ELAPOR1: variants seen among roughly 807,000 people sequenced by gnomAD.
ELAPOR1 encodes endosome/lysosome-associated apoptosis and autophagy regulator 1.
In ELAPOR1, 77 loss-of-function variants were observed where a neutral mutation model predicts 119.7. The observed-to-expected ratio is 0.64, with a 90% CI of 0.54 to 0.78. The LOEUF (loss-of-function observed/expected upper bound fraction) is 0.78. Ranked by LOEUF, ELAPOR1 falls within the 30% of genes least tolerant of loss-of-function variation. The pLI, the probability that ELAPOR1 is intolerant of heterozygous loss-of-function variation, is 0.00. For missense variants in ELAPOR1, 1,115 were observed against 1,270.4 expected, an observed-to-expected ratio of 0.88 and a Z score of 1.86; for synonymous variants, 481 against 487.2, an observed-to-expected ratio of 0.99 and a Z score of 0.17.
At chr1:109,122,082 T>G (rs1648461820) in intron 1 of ELAPOR1, among the ~76,000 whole-genome samples, 1 of 151,384 alleles carries the variant, frequency 6.6e-6, no homozygotes, top group Non-Finnish European at 1.5e-5. Flanking sequence ...CTTTTTTTTT[T>G]TTTTTGAGAC....
intron 7 of ELAPOR1, 39 bp from the exon 8 acceptor site, chr1:109,185,006 A>G (rs751523235): frequency 1.3e-6 from 2 of 1,531,156 alleles, no homozygotes; most frequent in South Asian, 2.2e-5. Context: ...CAGCTTTCTT[A>G]TGTAACTCCA....
chr1:109,199,782 A>G, intron 18 of ELAPOR1, 72 bp from the exon 19 acceptor site: 1 of 1,571,044 alleles, frequency 6.4e-7, no homozygotes, highest in South Asian at 1.1e-5. Flanking sequence ...GCTATGAGAC[A>G]ACAGGCTTCC....
rs185208413 is a variant in ELAPOR1 at position 109,120,676 on chromosome 1, C to A, written c.153+6340C>A. On this transcript the variant is annotated intron_variant, in intron 1 of 21. Transcript: ENST00000369939. ...CCAGACATACCAAGTTAGGGCTTAA[C>A]TGTGGGGACACTCTCTCTTCACAAG... 1.9e-3 allele frequency among the ~76,000 whole-genome samples: 294 copies of A among 152,152 alleles called. 2 individuals are homozygous for A. The highest frequency in any genetic ancestry group is 6.8e-3 in the African/African-American group (281 of 41,528).
chr1:109,192,758 A>G lies in ELAPOR1; in HGVS notation c.1831A>G (p.Ile611Val). The change falls in exon 14 of 22, where the codon ATT becomes GTT. Residue 611 changes from isoleucine (I) to valine (V), a missense_variant. Physicochemically the swap from Ile to Val is conservative, Grantham distance 29. Coordinates refer to ENST00000369939, the MANE Select transcript of ELAPOR1 (RefSeq NM_020775.5). ...SCTSCPAGYY[I>V]DRDSGTCHSC... ...CACCTCTTGTCCTGCTGGTTACTAT[A>G]TTGACCGAGATTCAGGAACCTGCCA... 6.2e-7 allele frequency: 1 copy of G among 1,613,808 alleles called. No homozygotes were observed. The highest frequency in any genetic ancestry group is 1.3e-5 in the African/African-American group (1 of 74,940).
Position 109,172,022 on chromosome 1 carries a change from C to T in ELAPOR1, c.615+9C>T. On this transcript the variant is annotated intron_variant, in intron 4 of 21. Transcript: ENST00000369939. Reference sequence around the variant, plus strand: ...TCATCTTTGAGTTTTTCGTAAGCCCCTGGCCAAGGTGGAGGGTGGGAGCTA... The same window carrying T: ...TCATCTTTGAGTTTTTCGTAAGCCCTTGGCCAAGGTGGAGGGTGGGAGCTA... 6.2e-7 allele frequency: 1 copy of T among 1,614,164 alleles called. No homozygotes were observed. The highest frequency in any genetic ancestry group is 2.2e-5 in the East Asian group (1 of 44,884).
At chr1:109,165,436 T>C (rs557650609) in intron 3 of ELAPOR1, among the ~76,000 whole-genome samples, 1 of 151,858 alleles carries the variant, frequency 6.6e-6, no homozygotes, top group African/African-American at 2.4e-5. Context: ...ATACAAAAAA[T>C]TAGCCAGGCC....
rs368865853 is a variant in ELAPOR1 at position 109,153,805 on chromosome 1, G to A, written c.154-8089G>A. ...GCCAGGCTAATTTTTGTATTTTTTA[G>A]TAGAGACGGGGTTTCACCATGTTGG... On this transcript the variant is annotated intron_variant, in intron 1 of 21. Coordinates refer to ENST00000369939, the MANE Select transcript of ELAPOR1 (RefSeq NM_020775.5). Among the ~76,000 whole-genome samples the A allele has an allele frequency of 2.0e-5, 3 of 152,058 alleles. No individual in the cohort carries two copies. In the East Asian group the frequency reaches 5.8e-4, roughly 29 times the overall value.
chr1:109,123,447 C>A (rs760053577), intron 1 of ELAPOR1, among the ~76,000 whole-genome samples: 5 of 152,162 alleles, frequency 3.3e-5, no homozygotes, highest in Non-Finnish European at 7.4e-5. Context: ...TTTTTAATCA[C>A]CGTATCTGTT....
At chr1:109,180,942 G>A (rs1224482918) in intron 7 of ELAPOR1, among the ~76,000 whole-genome samples, 2 of 152,132 alleles carry the variant, frequency 1.3e-5, no homozygotes, top group African/African-American at 2.4e-5. Context: ...CAGCCTGGGT[G>A]ACAGAGTGAG....
At chr1:109,144,376 G>A (rs557484085) in intron 1 of ELAPOR1, among the ~76,000 whole-genome samples, 3 of 152,094 alleles carry the variant, frequency 2.0e-5, no homozygotes, top group Admixed American at 6.5e-5. Flanking sequence ...AAGAAGTGAC[G>A]AGAGTAGATT....
chr1:109,127,086 C>T (rs1425579205), intron 1 of ELAPOR1, among the ~76,000 whole-genome samples: 1 of 151,732 alleles, frequency 6.6e-6, no homozygotes, highest in Admixed American at 6.6e-5. Flanking sequence ...TTAAGCTCTC[C>T]TTCTATGTCA....
rs928324855 is a variant in ELAPOR1, at chr1:109,205,351, C to T, written c.*2339C>T. ...GCCACAAAATGCTCATCTGATTAGC[C>T]ACTGCTGCCCTGGCAATGGCTTTGT... On this transcript the variant is annotated 3_prime_UTR_variant, in exon 22 of 22. Coordinates refer to ENST00000369939, the MANE Select transcript of ELAPOR1 (RefSeq NM_020775.5). 1 of 152,240 alleles carries T rather than the reference C, an allele frequency of 6.6e-6. No individual in the cohort carries two copies. The highest frequency in any genetic ancestry group is 1.5e-5 in the Non-Finnish European group (1 of 68,052). 9.4% of individuals were successfully genotyped at this position (152,240 alleles called of 1,614,324 possible). A position where few individuals can be genotyped will look rare whatever the true frequency, so the allele number is the denominator to read the frequency against.
chr1:109,204,915 T>C lies in ELAPOR1; in HGVS notation c.*1903T>C, dbSNP rs974812235. On this transcript the variant is annotated 3_prime_UTR_variant, in exon 22 of 22. Coordinates refer to ENST00000369939, the MANE Select transcript of ELAPOR1 (RefSeq NM_020775.5). ...AAAAATTTAAAAATAAACAAGGTGT[T>C]CACCAAGCTGGGATACTTCTCACTA... The C allele has an allele frequency of 2.0e-5, 3 of 152,230 alleles. No homozygotes were observed. The highest frequency in any genetic ancestry group is 7.2e-5 in the African/African-American group (3 of 41,450). 9.4% of individuals were successfully genotyped at this position (152,230 alleles called of 1,614,324 possible).
At chr1:109,141,920 C>A (rs1404400409) in intron 1 of ELAPOR1, among the ~76,000 whole-genome samples, 1 of 152,024 alleles carries the variant, frequency 6.6e-6, no homozygotes, top group Admixed American at 6.6e-5. Context: ...CCGCCTTGGC[C>A]TCTCGAAGTG....
chr1:109,158,183 T>C (rs1484193323), intron 1 of ELAPOR1, among the ~76,000 whole-genome samples: 2 of 152,202 alleles, frequency 1.3e-5, no homozygotes, highest in Non-Finnish European at 2.9e-5. Flanking sequence ...CCACTGCGTC[T>C]GGCCTCTAAA....
At chr1:109,142,556 C>T (rs962736156) in intron 1 of ELAPOR1, among the ~76,000 whole-genome samples, 11 of 152,220 alleles carry the variant, frequency 7.2e-5, no homozygotes, top group African/African-American at 2.7e-4. Context: ...CGCTGGTCCA[C>T]AGCCGGGCAC....
intron 1 of ELAPOR1, among the ~76,000 whole-genome samples, chr1:109,159,011 C>T (rs905254770): frequency 1.3e-5 from 2 of 151,792 alleles, no homozygotes; most frequent in African/African-American, 4.8e-5. Flanking sequence ...GATTCTCTTG[C>T]CTCAGCCTCC....
chr1:109,200,374 G>C (rs1333826035), intron 20 of ELAPOR1, 137 bp downstream of exon 20: 1 of 1,029,826 alleles, frequency 9.7e-7, no homozygotes, highest in African/African-American at 1.6e-5. Context: ...TGCATGGTTT[G>C]GTTATCCTGA....
chr1:109,133,176 G>C (rs1053434531), intron 1 of ELAPOR1, among the ~76,000 whole-genome samples: 2 of 152,120 alleles, frequency 1.3e-5, no homozygotes, highest in African/African-American at 4.8e-5. Flanking sequence ...GGTGCGGTGA[G>C]CTCTGATTGC....
Sources: allele counts gnomAD v4.1 joint callset (sites outside exome capture counted in the v4.1 genomes callset), GRCh38; gene constraint gnomAD v4.1.1; transcripts MANE v1.5; gene names NCBI Gene and HGNC (gene_info 2026-07-23, HGNC 2026-07-21).